Variants in HFM1 observed in about 807,000 individuals in gnomAD.
HFM1 encodes helicase for meiosis 1, also known as probable ATP-dependent DNA helicase HFM1.
Under a neutral mutation model 192.1 loss-of-function variants are expected in HFM1, and 169 were observed. The ratio of observed to expected loss-of-function variants is 0.88; its 90% CI spans 0.78 to 1.00. The LOEUF is 1.00. Among genes scored for constraint, HFM1 ranks in the 50% least tolerant of loss-of-function variants. HFM1 has a pLI of 0.00. For missense variants in HFM1, 1,661 were observed against 1,668.0 expected (o/e 1.00, Z 0.07); for synonymous variants, 525 against 537.8 (o/e 0.98, Z 0.33).
chr1:91,372,348 A>T (rs1395801346), intron 13 of HFM1, among the ~76,000 whole-genome samples: 5 of 152,344 alleles, frequency 3.3e-5, no homozygotes, highest in African/African-American at 9.6e-5. Flanking sequence ...CAAATGTCCA[A>T]CAATGATAGA....
chr1:91,276,409 T>C (rs143856974), intron 32 of HFM1, among the ~76,000 whole-genome samples: 2 of 152,268 alleles, frequency 1.3e-5, no homozygotes, highest in Admixed American at 6.5e-5. Context: ...CTTTGGCATA[T>C]TCTTGGTGCT....
At position 91,316,291 on chromosome 1, in the gene HFM1, G is replaced by C. The variant is rs575973081; in HGVS notation, c.2898+100C>G. 314 of 999,730 alleles carry C rather than the reference G, an allele frequency of 3.1e-4. 2 individuals are homozygous for C. In the South Asian group the frequency reaches 5.3e-3, roughly 17 times the overall value. 61.9% of individuals were successfully genotyped at this position (999,730 alleles called of 1,614,324 possible). A position where few individuals can be genotyped will look rare whatever the true frequency, so the allele number is the denominator to read the frequency against. On this transcript the variant is annotated intron_variant, in intron 26 of 38. Coordinates refer to ENST00000370425, the MANE Select transcript of HFM1 (RefSeq NM_001017975.6). Reference sequence around the variant, plus strand: ...AATAATGCTTATCACCCAAAAGTAAGTTGAAATACTTATAACTATGAGAAG... The same window carrying C: ...AATAATGCTTATCACCCAAAAGTAACTTGAAATACTTATAACTATGAGAAG...
intron 30 of HFM1, among the ~76,000 whole-genome samples, chr1:91,286,418 G>A (rs1178213775): frequency 6.6e-6 from 1 of 152,130 alleles, no homozygotes; most frequent in Non-Finnish European, 1.5e-5. Context: ...GATAGCTCTA[G>A]ACATTTCTTG....
intron 1 of HFM1, among the ~76,000 whole-genome samples, chr1:91,402,118 A>G (rs982332876): frequency 2.6e-5 from 4 of 152,186 alleles, no homozygotes; most frequent in Non-Finnish European, 4.4e-5. Context: ...TTTGTCCTCA[A>G]GATAGAAACT....
chr1:91,306,264 G>A (rs1649589758), intron 30 of HFM1, among the ~76,000 whole-genome samples: 1 of 152,120 alleles, frequency 6.6e-6, no homozygotes, highest in Admixed American at 6.6e-5. Flanking sequence ...CCTGGGAGGT[G>A]GAGATTATGG....
intron 13 of HFM1, among the ~76,000 whole-genome samples, chr1:91,357,615 A>G (rs771959286): frequency 6.6e-6 from 1 of 152,196 alleles, no homozygotes; most frequent in African/African-American, 2.4e-5. Context: ...GAGCAATCAG[A>G]TAAGAAAAAA....
Position 91,350,822 on chromosome 1 carries a change from T to C in HFM1, c.2122A>G (p.Thr708Ala). The change falls in exon 18 of 39, where the codon ACC (threonine) becomes GCC (alanine). Residue 708 changes from threonine to alanine, a missense_variant. Physicochemically the swap from Thr to Ala is moderately conservative, Grantham distance 58. Coordinates refer to ENST00000370425, the MANE Select transcript of HFM1 (RefSeq NM_001017975.6). ...EHLNAEIVLH[T>A]ITDVNIAVEW... ...ACAGCAATATTCACATCCGTGATGG[T>C]ATGCAGTACTATCTCTGCATTTAAA... 6.2e-7 allele frequency: 1 copy of C among 1,606,540 alleles called. No individual in the cohort carries two copies. The highest frequency in any genetic ancestry group is 8.5e-7 in the Non-Finnish European group (1 of 1,174,406).
At chr1:91,385,041 C>A in intron 6 of HFM1, 146 bp downstream of exon 6, 1 of 570,794 alleles carries the variant, frequency 1.8e-6, no homozygotes, top group Non-Finnish European at 3.1e-6. Flanking sequence ...CCGCACCCGG[C>A]CACATGTACC....
Position 91,350,797 on chromosome 1 carries a change from A to C in HFM1, c.2147T>G (p.Val716Gly), listed in dbSNP as rs1189866937. 1 of 1,610,832 alleles carries C rather than the reference A, an allele frequency of 6.2e-7. No homozygotes were observed. Among genetic ancestry groups the C allele is most frequent in the South Asian group, 1.1e-5 (1 of 90,848 alleles). The change falls in exon 18 of 39, where the codon GTG becomes GGG. Residue 716 changes from valine (V) to glycine (G), a missense_variant. Val to Gly is a moderately radical substitution (Grantham distance 109, BLOSUM62 -3). Transcript: ENST00000370425. ...AAGCAGAGTTGATCGTATCCATTCC[A>C]CAGCAATATTCACATCCGTGATGGT... The part of the protein sequence containing the change: ...LHTITDVNIA[V>G]EWIRSTLLYI...
chr1:91,396,108 C>A (rs749462417), intron 3 of HFM1, among the ~76,000 whole-genome samples, 185 bp downstream of exon 3: 1 of 152,014 alleles, frequency 6.6e-6, no homozygotes, highest in Non-Finnish European at 1.5e-5. Context: ...CTAATTCTTC[C>A]TTTAACTCCT....
At chr1:91,360,046 G>A (rs1658289294) in intron 13 of HFM1, among the ~76,000 whole-genome samples, 1 of 152,140 alleles carries the variant, frequency 6.6e-6, no homozygotes, top group South Asian at 2.1e-4. Context: ...GGAGAAATAA[G>A]GTTCTTTTCA....
At chr1:91,341,106 C>T (rs1443099894) in intron 20 of HFM1, among the ~76,000 whole-genome samples, 1 of 152,136 alleles carries the variant, frequency 6.6e-6, no homozygotes, top group Admixed American at 6.5e-5. Flanking sequence ...CAGACATCTA[C>T]AGAACACTCT....
In HFM1 at chr1:91,316,439, C is replaced by A. The variant is rs1421361599; in HGVS notation, c.2850G>T (p.Leu950Phe). ...TLSNAIVNAG[L>F]TSFKKIEETD... is the part of the protein sequence containing the mutation. Reference sequence around the variant, plus strand: ...TCTCTTCTATTTTTTTAAAGGAAGTCAAACCAGCATTTACGATTGCATTTG... The same window carrying A: ...TCTCTTCTATTTTTTTAAAGGAAGTAAAACCAGCATTTACGATTGCATTTG... Residue 950 changes from leucine to phenylalanine, a missense_variant, in exon 26 of 39, where the codon TTG (leucine) becomes TTT (phenylalanine). Physicochemically the swap from Leu to Phe is conservative, Grantham distance 22 (BLOSUM62 0). Transcript: ENST00000370425. 6.3e-7 allele frequency: 1 copy of A among 1,580,076 alleles called. No individual in the cohort carries two copies. The highest frequency in any genetic ancestry group is 1.2e-5 in the South Asian group (1 of 85,830).
At chr1:91,343,936 TTTTC>T (rs1238101424) in intron 19 of HFM1, among the ~76,000 whole-genome samples, 4 of 152,324 alleles carry the variant, frequency 2.6e-5, no homozygotes, top group Admixed American at 6.5e-5. Context: ...AAGGCAATAG[TTTTC>T]TTTTTCTTTT....
chr1:91,380,630 T>C (rs1235230289), intron 7 of HFM1, among the ~76,000 whole-genome samples: 1 of 152,184 alleles, frequency 6.6e-6, no homozygotes, highest in Non-Finnish European at 1.5e-5. Context: ...GTCTCAAGCC[T>C]GTAATCCCAG....
At chr1:91,331,875 G>A (rs1275529934) in intron 20 of HFM1, among the ~76,000 whole-genome samples, 7 of 151,984 alleles carry the variant, frequency 4.6e-5, no homozygotes, top group Non-Finnish European at 8.8e-5. Flanking sequence ...TAGCCTGGGC[G>A]ACAGAGGGAG....
chr1:91,397,360 G>C (rs1663786327), intron 2 of HFM1, among the ~76,000 whole-genome samples: 1 of 152,084 alleles, frequency 6.6e-6, no homozygotes, highest in Admixed American at 6.5e-5. Context: ...CTGCTTTAAT[G>C]GTTCCTTTCC....
chr1:91,397,901 C>T (rs576890611), intron 2 of HFM1, among the ~76,000 whole-genome samples: 4 of 152,262 alleles, frequency 2.6e-5, no homozygotes, highest in African/African-American at 9.6e-5. Flanking sequence ...TCTTCAGGGA[C>T]CCAATGCCCA....
intron 4 of HFM1, among the ~76,000 whole-genome samples, chr1:91,389,093 T>C (rs2102084710): frequency 6.6e-6 from 1 of 151,482 alleles, no homozygotes; most frequent in Middle Eastern, 3.4e-3. Flanking sequence ...TCCAGATTCA[T>C]ATGTTGAGGC....
Sources: allele counts gnomAD v4.1 joint callset (sites outside exome capture counted in the v4.1 genomes callset), GRCh38; gene constraint gnomAD v4.1.1; transcripts MANE v1.5; gene names NCBI Gene and HGNC (gene_info 2026-07-23, HGNC 2026-07-21).